Variants in SERPINA10 observed in about 807,000 individuals in gnomAD.
The protein encoded by SERPINA10 is protein Z-dependent protease inhibitor.
A neutral mutation model predicts 28.0 loss-of-function variants in SERPINA10; 24 were observed. The observed-to-expected ratio is 0.86, with a 90% confidence interval of 0.62 to 1.20. The LOEUF (loss-of-function observed/expected upper bound fraction) is 1.20. Ranked by LOEUF, SERPINA10 falls within the 50% of genes most tolerant of loss-of-function variation. The pLI, the probability that SERPINA10 is intolerant of heterozygous loss-of-function variation, is 0.00. For synonymous variants in SERPINA10, 207 were observed against 203.9 expected (o/e 1.02, Z -0.13); for missense variants, 521 against 537.7 (o/e 0.97, Z 0.31).
At chr14:94,292,764 C>T in intron 1 of SERPINA10, 1 of 692,960 alleles carries the variant, frequency 1.4e-6, no homozygotes, top group Non-Finnish European at 2.6e-6. Flanking sequence ...TGCTCCTGGA[C>T]TAGGACACCA....
chr14:94,290,739 G>T, intron 1 of SERPINA10, 96 bp from the exon 2 acceptor site: 1 of 1,384,216 alleles, frequency 7.2e-7, no homozygotes, highest in Non-Finnish European at 9.8e-7. Flanking sequence ...CCTTCCTGTG[G>T]CTCAAGTAGG....
chr14:94,282,606 C>A lies in SERPINA10; in HGVS notation c.*1359G>T, dbSNP rs955517936. 2 of 152,086 alleles carry A rather than the reference C, an allele frequency of 1.3e-5. No individual in the cohort carries two copies. Among genetic ancestry groups the A allele is most frequent in the African/African-American group, 2.4e-5 (1 of 41,406 alleles). The allele number at this position is 152,086 out of a possible 1,614,324, so 9.4% of individuals were successfully genotyped here. A position where few individuals can be genotyped will look rare whatever the true frequency, so the allele number is the denominator to read the frequency against. ...ACTCTGCCATTGCCACACTGGAAGACCTTGGACAAGTATTTTGTTCCCACT... is the reference window on the plus strand; with the variant it reads ...ACTCTGCCATTGCCACACTGGAAGAACTTGGACAAGTATTTTGTTCCCACT... On this transcript the variant is annotated 3_prime_UTR_variant, in exon 5 of 5. Coordinates refer to ENST00000261994, the MANE Select transcript of SERPINA10 (RefSeq NM_001100607.3).
rs753224819 is a variant in SERPINA10 at position 94,288,405 on chromosome 14, G to T, written c.873C>A (p.Pro291=). Residue 291 remains proline, a synonymous_variant, in exon 3 of 5, where the codon CCC becomes CCA. Coordinates refer to ENST00000261994, the MANE Select transcript of SERPINA10 (RefSeq NM_001100607.3). ...KNFRCHVLKL[P]YQGNATMLVV... ...CCAGCATGGTGGCATTTCCTTGGTAGGGCAGTTTGAGGACATGACAACGAA... is the reference window on the plus strand; with the variant it reads ...CCAGCATGGTGGCATTTCCTTGGTATGGCAGTTTGAGGACATGACAACGAA... 1.1e-5 allele frequency: 17 copies of T among 1,614,124 alleles called. 1 individual carries two copies. In the South Asian group the frequency reaches 1.8e-4, roughly 17 times the overall value.
In SERPINA10 at chr14:94,288,513, A is replaced by G. The variant is rs1895081391; in HGVS notation, c.765T>C (p.Thr255=). ...PFDPVFTEVD[T]FHLDKYKTIK... ...TGGTCTTGTACTTGTCCAGGTGGAA[A>G]GTGTCGACTTCGGTGAAGACAGGGT... Residue 255 remains threonine (T), a synonymous_variant, in exon 3 of 5, where the codon ACT becomes ACC. Transcript: ENST00000261994. 1.2e-6 allele frequency: 2 copies of G among 1,614,104 alleles called. No individual in the cohort carries two copies. Among genetic ancestry groups the G allele is most frequent in the South Asian group, 1.1e-5 (1 of 91,090 alleles).
intron 1 of SERPINA10, chr14:94,292,872 C>T: frequency 5.4e-6 from 3 of 554,460 alleles, no homozygotes; most frequent in South Asian, 4.7e-5. Flanking sequence ...GCACACATCC[C>T]TGCCTCCCCT....
At chr14:94,289,363 C>T (rs936675093) in intron 2 of SERPINA10, among the ~76,000 whole-genome samples, 7 of 152,248 alleles carry the variant, frequency 4.6e-5, no homozygotes, top group Non-Finnish European at 7.3e-5. Flanking sequence ...AACTCCTGCT[C>T]TACCTGCTGA....
rs570402881 is a variant in SERPINA10, at chr14:94,289,954, G to T, written c.640C>A (p.Arg214=). ...TCAAACAGTTTGGGAATTTTCCCCC[G>T]AGTCTCTTTGTTAATGTAATGATTC... The part of the protein sequence containing the change: ...LMNHYINKET[R]GKIPKLFDEI... Residue 214 remains arginine (R), a synonymous_variant, in exon 2 of 5, where the codon CGG becomes AGG. Coordinates refer to ENST00000261994, the MANE Select transcript of SERPINA10 (RefSeq NM_001100607.3). The T allele has an allele frequency of 6.2e-7, 1 of 1,614,038 alleles. No individual in the cohort carries two copies.
At chr14:94,291,421 T>A (rs568323541) in intron 1 of SERPINA10, among the ~76,000 whole-genome samples, 1 of 152,340 alleles carries the variant, frequency 6.6e-6, no homozygotes, top group Admixed American at 6.5e-5. Context: ...CTCTGTCGCC[T>A]TTTAGGCTCC....
intron 1 of SERPINA10, among the ~76,000 whole-genome samples, chr14:94,291,189 C>T (rs1324566320): frequency 1.3e-5 from 2 of 152,208 alleles, no homozygotes; most frequent in Admixed American, 6.5e-5. Context: ...TCTCTTTGCA[C>T]TGCACCTCTG....
chr14:94,292,775 T>C, intron 1 of SERPINA10: 1 of 686,116 alleles, frequency 1.5e-6, no homozygotes. Context: ...TAGGACACCA[T>C]CCAGCATGGT....
In SERPINA10 at chr14:94,290,096, G is replaced by A. The variant is rs148385597; in HGVS notation, c.498C>T (p.Ala166=). The change falls in exon 2 of 5, where the codon GCC becomes GCT. Residue 166 remains alanine, a synonymous_variant. Coordinates refer to ENST00000261994, the MANE Select transcript of SERPINA10 (RefSeq NM_001100607.3). The stretch of plus-strand genomic sequence containing the variant: ...TGACATCAAAATCCTTGTGGATGAA[G>A]GCAAAACTCCCCTGTGTGAGGCCCA... ...LELGLTQGSF[A]FIHKDFDVKE... 1.1e-4 allele frequency: 184 copies of A among 1,614,216 alleles called. No individual in the cohort carries two copies. In the African/African-American group the frequency reaches 2.2e-3, roughly 19 times the overall value.
In SERPINA10 at chr14:94,280,595, G is replaced by T. The variant is rs965142294; in HGVS notation, c.*3370C>A. On this transcript the variant is annotated 3_prime_UTR_variant, in exon 5 of 5. Coordinates refer to ENST00000261994, the MANE Select transcript of SERPINA10 (RefSeq NM_001100607.3). ...TATCAAAAACAAGATGGATACTTTTGTGAAAGTTCTCAGTTTAACAACTTA... is the reference window on the plus strand; with the variant it reads ...TATCAAAAACAAGATGGATACTTTTTTGAAAGTTCTCAGTTTAACAACTTA... The T allele has an allele frequency of 1.3e-5, 2 of 152,172 alleles. No homozygotes were observed. The highest frequency in any genetic ancestry group is 4.8e-5 in the African/African-American group (2 of 41,440). The allele number at this position is 152,172 out of a possible 1,614,324, so 9.4% of individuals were successfully genotyped here.
chr14:94,291,369 G>A (rs1895175521), intron 1 of SERPINA10, among the ~76,000 whole-genome samples: 1 of 152,194 alleles, frequency 6.6e-6, no homozygotes, highest in African/African-American at 2.4e-5. Context: ...GTCCTAGGCT[G>A]CAGTGTGGGA....
chr14:94,290,212 G>A lies in SERPINA10; in HGVS notation c.382C>T (p.Leu128Phe). ...GPTETQIKRG[L>F]HLQALKPTKP... ...GTGGGCTTCAGGGCCTGCAAGTGGA[G>A]CCCTCTCTTGATCTGGGTTTCAGTC... is the stretch of plus-strand genomic sequence containing the variant. The change falls in exon 2 of 5, where the codon CTC becomes TTC. Residue 128 changes from leucine to phenylalanine, a missense_variant. Leu to Phe is a conservative substitution (Grantham distance 22). Transcript: ENST00000261994. The A allele has an allele frequency of 3.1e-6, 5 of 1,613,830 alleles. No individual in the cohort carries two copies. The highest frequency in any genetic ancestry group is 4.2e-6 in the Non-Finnish European group (5 of 1,179,726).
chr14:94,291,376 G>A (rs1895175649), intron 1 of SERPINA10, among the ~76,000 whole-genome samples: 2 of 152,172 alleles, frequency 1.3e-5, no homozygotes, highest in Non-Finnish European at 1.5e-5. Context: ...GCTGCAGTGT[G>A]GGAGCTACAC....
chr14:94,284,555 C>A (rs1245244713), intron 4 of SERPINA10, among the ~76,000 whole-genome samples: 1 of 152,152 alleles, frequency 6.6e-6, no homozygotes, highest in Non-Finnish European at 1.5e-5. Flanking sequence ...CTCTGACTTT[C>A]CTTTTGGCAG....
intron 3 of SERPINA10, among the ~76,000 whole-genome samples, chr14:94,287,910 C>T (rs546684704): frequency 6.6e-6 from 1 of 152,312 alleles, no homozygotes; most frequent in South Asian, 2.1e-4. Context: ...CCATCTGCAT[C>T]CTGATGATGC....
At chr14:94,288,685 G>A (rs1022711518) in intron 2 of SERPINA10, 126 bp from the exon 3 acceptor site, 14 of 1,301,198 alleles carry the variant, frequency 1.1e-5, no homozygotes, top group African/African-American at 1.5e-5. Context: ...GTTCCAACTA[G>A]GAAAGGCGTT....
At chr14:94,286,048 G>A (rs2139693279) in intron 4 of SERPINA10, 60 bp downstream of exon 4, 2 of 1,588,590 alleles carry the variant, frequency 1.3e-6, no homozygotes, top group Admixed American at 1.7e-5. Context: ...GTTTGTAAAA[G>A]CATTTGTTTT....
Sources: allele counts gnomAD v4.1 joint callset (sites outside exome capture counted in the v4.1 genomes callset), GRCh38; gene constraint gnomAD v4.1.1; transcripts MANE v1.5; gene names NCBI Gene and HGNC (gene_info 2026-07-23, HGNC 2026-07-21).